DLGAP1: variants seen among roughly 807,000 people sequenced by gnomAD.
The protein encoded by DLGAP1 is DLG associated protein 1.
Under a neutral mutation model 90.8 loss-of-function variants are expected in DLGAP1, and 11 were observed. That is an observed-to-expected ratio of 0.12 (90% CI 0.08 to 0.20). DLGAP1 has a LOEUF of 0.20. Among genes scored for constraint, DLGAP1 ranks in the 10% least tolerant of loss-of-function variants. DLGAP1 has a pLI of 1.00. For synonymous variants in DLGAP1, 558 were observed against 540.7 expected, an observed-to-expected ratio of 1.03 and a Z score of -0.44; for missense variants, 1,050 against 1,333.8, an observed-to-expected ratio of 0.79 and a Z score of 3.31.
At chr18:3,728,452 T>G (rs774706219) in intron 7 of DLGAP1, among the ~76,000 whole-genome samples, 9 of 152,022 alleles carry the variant, frequency 5.9e-5, no homozygotes, top group Non-Finnish European at 1.2e-4. Context: ...AGAAACTCGT[T>G]AAGCTTTTCT....
intron 1 of DLGAP1, among the ~76,000 whole-genome samples, chr18:4,211,332 A>C (rs1440529159): frequency 2.6e-5 from 4 of 152,344 alleles, no homozygotes; most frequent in South Asian, 4.1e-4. Context: ...AGTACAGAAG[A>C]AAAATGATGG....
chr18:4,415,201 T>C (rs1474542883), intron 1 of DLGAP1, among the ~76,000 whole-genome samples: 3 of 152,174 alleles, frequency 2.0e-5, no homozygotes, highest in Non-Finnish European at 4.4e-5. Context: ...TAATATATTA[T>C]CAGTTAGTAT....
chr18:4,329,888 T>A (rs947633836), intron 1 of DLGAP1, among the ~76,000 whole-genome samples: 1 of 151,994 alleles, frequency 6.6e-6, no homozygotes, highest in African/African-American at 2.4e-5. Flanking sequence ...GCAGACCCCA[T>A]AAAACGAGGT....
intron 2 of DLGAP1, among the ~76,000 whole-genome samples, chr18:4,014,229 G>A (rs902363340): frequency 2.6e-5 from 4 of 151,896 alleles, no homozygotes; most frequent in Non-Finnish European, 5.9e-5. Context: ...GGGACTACAG[G>A]TGCGCACCAC....
At chr18:3,719,575 A>G (rs1038929374) in intron 7 of DLGAP1, among the ~76,000 whole-genome samples, 33 of 150,900 alleles carry the variant, frequency 2.2e-4, no homozygotes, top group Non-Finnish European at 3.1e-4. Flanking sequence ...AAAAAAAAAA[A>G]AAAGAAAGAA....
chr18:4,245,385 G>T (rs548682081), intron 1 of DLGAP1, among the ~76,000 whole-genome samples: 10 of 152,202 alleles, frequency 6.6e-5, no homozygotes, highest in African/African-American at 2.4e-4. Flanking sequence ...ACTTTTTTGG[G>T]AGCTTATGTT....
rs79304568 is a variant in DLGAP1, at chr18:3,749,997, C to T, written c.1173-7485G>A. On this transcript the variant is annotated intron_variant, in intron 5 of 12. Transcript: ENST00000315677. ...TTCCAACTTTTTGGATTTGGGGTTA[C>T]ATGTGCAGGTTTGCTACATGAATAT... 2.0e-5 allele frequency among the ~76,000 whole-genome samples: 3 copies of T among 152,236 alleles called. No homozygotes were observed. The East Asian group carries it at 5.8e-4, about 29-fold the overall frequency.
At chr18:4,152,904 G>A (rs968164683) in intron 1 of DLGAP1, among the ~76,000 whole-genome samples, 4 of 152,138 alleles carry the variant, frequency 2.6e-5, no homozygotes, top group African/African-American at 9.7e-5. Flanking sequence ...TGAGGACTAA[G>A]TAACTCAGGA....
At chr18:3,940,308 G>C (rs936077675) in intron 3 of DLGAP1, among the ~76,000 whole-genome samples, 4 of 152,204 alleles carry the variant, frequency 2.6e-5, no homozygotes, top group Non-Finnish European at 5.9e-5. Flanking sequence ...CCTCATGAGA[G>C]ACTCTAAGCT....
At chr18:3,712,338 A>G (rs1239972063) in intron 7 of DLGAP1, among the ~76,000 whole-genome samples, 3 of 152,154 alleles carry the variant, frequency 2.0e-5, no homozygotes, top group Non-Finnish European at 2.9e-5. Flanking sequence ...CACTCCCAGC[A>G]GCTCACCCGT....
chr18:3,630,941 CCTTT>C lies in DLGAP1; in HGVS notation c.1592-48697_1592-48694del, dbSNP rs1423349044. On this transcript the variant is annotated intron_variant, in intron 7 of 12. Transcript: ENST00000315677. ...TAGATCAGTTTTAAGTGAATTGACA[CCTTT>C]CTAATTTGCAGTTTTGAATCTTTTT... 7.2e-5 allele frequency among the ~76,000 whole-genome samples: 11 copies of C among 152,092 alleles called. 1 individual carries two copies. The East Asian group carries it at 2.1e-3, about 29-fold the overall frequency.
At chr18:4,341,920 TTCTC>T (rs148167267) in intron 1 of DLGAP1, among the ~76,000 whole-genome samples, 2 of 150,384 alleles carry the variant, frequency 1.3e-5, no homozygotes, top group Non-Finnish European at 3.0e-5. Context: ...ATATCTCTCT[TTCTC>T]TCTCTCTCTC....
intron 5 of DLGAP1, among the ~76,000 whole-genome samples, chr18:3,786,938 T>A (rs1178330278): frequency 1.4e-5 from 2 of 145,042 alleles, no homozygotes; most frequent in African/African-American, 2.5e-5. Flanking sequence ...AATAGAGATT[T>A]CATGGAGTGT....
intron 3 of DLGAP1, among the ~76,000 whole-genome samples, chr18:3,899,912 C>T (rs1333239253): frequency 6.6e-6 from 1 of 152,140 alleles, no homozygotes; most frequent in Non-Finnish European, 1.5e-5. Flanking sequence ...AATTAGGTAA[C>T]TTAAACTTTT....
chr18:4,088,107 T>A (rs1276706261), intron 2 of DLGAP1, among the ~76,000 whole-genome samples: 1 of 108,364 alleles, frequency 9.2e-6, no homozygotes, highest in Non-Finnish European at 2.1e-5. Flanking sequence ...ATAGAAAACA[T>A]TTCCTATTTT....
At chr18:4,202,365 G>C (rs569411497) in intron 1 of DLGAP1, among the ~76,000 whole-genome samples, 1 of 152,234 alleles carries the variant, frequency 6.6e-6, no homozygotes, top group South Asian at 2.1e-4. Context: ...GAGGAAGGGA[G>C]ATTCCAAAAT....
At chr18:3,772,919 C>T (rs920764727) in intron 5 of DLGAP1, among the ~76,000 whole-genome samples, 8 of 152,112 alleles carry the variant, frequency 5.3e-5, no homozygotes, top group Non-Finnish European at 1.0e-4. Context: ...GAGGGCCTCA[C>T]CTCTTCAGCA....
At chr18:4,439,333 T>C (rs2083474975) in intron 1 of DLGAP1, among the ~76,000 whole-genome samples, 1 of 152,252 alleles carries the variant, frequency 6.6e-6, no homozygotes, top group African/African-American at 2.4e-5. Flanking sequence ...CAAATAATCA[T>C]TTAAAACTTT....
intron 1 of DLGAP1, among the ~76,000 whole-genome samples, chr18:4,249,450 A>C (rs1339481150): frequency 1.1e-5 from 1 of 91,130 alleles, no homozygotes. Flanking sequence ...GTTCTGGCAA[A>C]AAAAAAAAAA....
Sources: gnomAD v4.1 joint callset for allele counts (sites outside exome capture counted in the v4.1 genomes callset) on GRCh38, gnomAD v4.1.1 for gene constraint, MANE v1.5 for transcripts, NCBI Gene and HGNC (gene_info 2026-07-23, HGNC 2026-07-21) for gene names.